Variants in VTI1A observed in about 807,000 individuals in gnomAD.
VTI1A encodes vesicle transport through interaction with t-SNAREs homolog 1A.
VTI1A carries 22 observed loss-of-function variants against 34.9 expected under a neutral mutation model. The ratio of observed to expected loss-of-function variants is 0.63; its 90% CI spans 0.45 to 0.90. The LOEUF is 0.90. Among genes scored for constraint, VTI1A ranks in the 40% least tolerant of loss-of-function variants. The pLI is 0.00. For synonymous variants in VTI1A, 87 were observed against 97.3 expected (o/e 0.89, Z 0.62); for missense variants, 268 against 275.6 (o/e 0.97, Z 0.20).
At chr10:112,588,307 T>C (rs1451509717) in intron 5 of VTI1A, among the ~76,000 whole-genome samples, 2 of 152,156 alleles carry the variant, frequency 1.3e-5, no homozygotes, top group African/African-American at 4.8e-5. Flanking sequence ...TATGAAGTTT[T>C]TTTTTCTCTT....
In VTI1A at chr10:112,649,283, A is replaced by T. The variant is rs113094755; in HGVS notation, c.428-18935A>T. ...TTTCTAGGTTGCTGAGCTGTTCACC[A>T]GTTTCCTGAGCTTTCTGTTTATGTG... On this transcript the variant is annotated intron_variant, in intron 5 of 7. Transcript: ENST00000393077. 5.6e-3 allele frequency among the ~76,000 whole-genome samples: 853 copies of T among 152,264 alleles called. 11 individuals are homozygous for T. Among genetic ancestry groups the T allele is most frequent in the African/African-American group, 0.02 (816 of 41,550 alleles).
At chr10:112,626,426 C>T (rs1367568874) in intron 5 of VTI1A, among the ~76,000 whole-genome samples, 1 of 151,668 alleles carries the variant, frequency 6.6e-6, no homozygotes, top group Non-Finnish European at 1.5e-5. Flanking sequence ...AATCAACATT[C>T]ATAAAGTTAC....
chr10:112,759,634 T>A (rs1303907147), intron 7 of VTI1A, among the ~76,000 whole-genome samples: 1 of 152,122 alleles, frequency 6.6e-6, no homozygotes, highest in African/African-American at 2.4e-5. Flanking sequence ...ATTCAGGGAA[T>A]CCTCCCAGTC....
At chr10:112,556,839 C>T (rs748294636) in intron 5 of VTI1A, among the ~76,000 whole-genome samples, 1 of 152,016 alleles carries the variant, frequency 6.6e-6, no homozygotes, top group Non-Finnish European at 1.5e-5. Context: ...ATTTACTCTT[C>T]CAAATTTTGC....
chr10:112,810,908 A>T (rs1853260823), intron 7 of VTI1A, among the ~76,000 whole-genome samples: 1 of 151,882 alleles, frequency 6.6e-6, no homozygotes, highest in Non-Finnish European at 1.5e-5. Flanking sequence ...AGGTCAGAAG[A>T]GGTTCCCAGC....
At chr10:112,508,357 A>G (rs1237955981) in intron 3 of VTI1A, among the ~76,000 whole-genome samples, 2 of 152,164 alleles carry the variant, frequency 1.3e-5, no homozygotes, top group African/African-American at 2.4e-5. Context: ...TGGCTTGTGC[A>G]TGATCTCATT....
chr10:112,561,226 G>A (rs1851716583), intron 5 of VTI1A, among the ~76,000 whole-genome samples: 1 of 152,066 alleles, frequency 6.6e-6, no homozygotes. Flanking sequence ...ATGAATCTAG[G>A]TTCCCTTTTT....
intron 3 of VTI1A, among the ~76,000 whole-genome samples, chr10:112,518,758 A>G (rs2134201170): frequency 6.6e-6 from 1 of 151,766 alleles, no homozygotes; most frequent in East Asian, 1.9e-4. Context: ...AAGAACCAGT[A>G]GAGGGTGAAA....
chr10:112,819,567 G>A (rs757397237), downstream of VTI1A, among the ~76,000 whole-genome samples: 3 of 152,158 alleles, frequency 2.0e-5, no homozygotes, highest in Admixed American at 6.5e-5. Flanking sequence ...GCATCTCCGT[G>A]CCGTCAACTG....
intron 7 of VTI1A, chr10:112,737,538 T>C (rs1850532616): frequency 4.8e-6 from 5 of 1,050,662 alleles, no homozygotes; most frequent in Non-Finnish European, 5.7e-6. Flanking sequence ...TTTAGGTACA[T>C]CGTGAGCAAG....
At chr10:112,572,752 C>T (rs575599208) in intron 5 of VTI1A, among the ~76,000 whole-genome samples, 29 of 150,936 alleles carry the variant, frequency 1.9e-4, no homozygotes, top group Admixed American at 3.3e-4. Context: ...GGCAGGAGAA[C>T]GGCGTGAACC....
intron 7 of VTI1A, among the ~76,000 whole-genome samples, chr10:112,699,811 G>C (rs1209527800): frequency 3.5e-5 from 5 of 142,600 alleles, no homozygotes; most frequent in Non-Finnish European, 7.5e-5. Context: ...CTGGGCAATA[G>C]AGCAAAACTC....
chr10:112,531,475 A>T (rs965431120), intron 4 of VTI1A, among the ~76,000 whole-genome samples: 1 of 69,540 alleles, frequency 1.4e-5, no homozygotes, highest in Non-Finnish European at 3.2e-5. Context: ...CTCCCGGCCT[A>T]AGCAAAGAAA....
the VTI1A span, among the ~76,000 whole-genome samples, chr10:112,841,790 T>G: frequency 6.6e-6 from 1 of 152,132 alleles, no homozygotes; most frequent in Non-Finnish European, 1.5e-5. Flanking sequence ...TGGCATCCAC[T>G]GAGTAGGGTG....
rs1442232139 is a variant in VTI1A at position 112,447,369 on chromosome 10, C to T, written c.-5C>T. Reference sequence around the variant, plus strand: ...TTGGCCTGGGCTACTCGTTCCGGAGCCGCCATGTCGTCCGACTTCGAAGGT... The same window carrying T: ...TTGGCCTGGGCTACTCGTTCCGGAGTCGCCATGTCGTCCGACTTCGAAGGT... On this transcript the variant is annotated 5_prime_UTR_variant, in exon 1 of 8. Coordinates refer to ENST00000393077, the MANE Select transcript of VTI1A (RefSeq NM_145206.4). 3 of 1,612,774 alleles carry T rather than the reference C, an allele frequency of 1.9e-6. No individual in the cohort carries two copies. The highest frequency in any genetic ancestry group is 3.3e-5 in the Admixed American group (2 of 59,974).
At chr10:112,547,185 T>C (rs7087366) in intron 5 of VTI1A, among the ~76,000 whole-genome samples, 18,025 of 150,534 alleles carry the variant, frequency 0.12, 1,326 homozygotes, top group Non-Finnish European at 0.16. Context: ...GAGGCTGAGG[T>C]GGGAGGATGA....
chr10:112,477,719 A>G (rs1201309110), intron 3 of VTI1A, among the ~76,000 whole-genome samples: 2 of 152,156 alleles, frequency 1.3e-5, no homozygotes, highest in Non-Finnish European at 2.9e-5. Flanking sequence ...TTAAAACTGT[A>G]TTTTGTACTT....
intron 7 of VTI1A, among the ~76,000 whole-genome samples, chr10:112,776,229 TG>T (rs1269390148): frequency 1.3e-5 from 2 of 152,228 alleles, no homozygotes; most frequent in Admixed American, 1.3e-4. Context: ...CAACACGCGC[TG>T]CACCGTGTTA....
intron 7 of VTI1A, among the ~76,000 whole-genome samples, chr10:112,714,473 G>C (rs1283266765): frequency 2.0e-5 from 3 of 152,300 alleles, no homozygotes; most frequent in African/African-American, 2.4e-5. Flanking sequence ...TCTGCAAGAG[G>C]AGTTGGCATA....
Sources: allele counts gnomAD v4.1 joint callset (sites outside exome capture counted in the v4.1 genomes callset), GRCh38; gene constraint gnomAD v4.1.1; transcripts MANE v1.5; gene names NCBI Gene and HGNC (gene_info 2026-07-23, HGNC 2026-07-21).